The following USP6NL variants were observed in gnomAD, a reference collection of about 807,000 sequenced individuals.
USP6NL encodes the protein USP6 N-terminal-like protein.
Under a neutral mutation model 61.9 loss-of-function variants are expected in USP6NL, and 26 were observed. That is an observed-to-expected ratio of 0.42 (90% CI 0.31 to 0.58). The LOEUF (loss-of-function observed/expected upper bound fraction) is 0.58, where lower values mean the gene tolerates loss of function less well. USP6NL is among the 20% of genes least tolerant of loss of function. The probability of loss-of-function intolerance (pLI) is 0.16; values close to 1 mark genes in which losing one functional copy is unlikely to be tolerated. For synonymous variants in USP6NL, 432 were observed against 390.1 expected, an observed-to-expected ratio of 1.11 and a Z score of -1.27; for missense variants, 1,114 against 1,034.3, an observed-to-expected ratio of 1.08 and a Z score of -1.06.
chr10:11,588,855 A>T (rs1290571647), intron 2 of USP6NL, among the ~76,000 whole-genome samples: 1 of 152,182 alleles, frequency 6.6e-6, no homozygotes, highest in Non-Finnish European at 1.5e-5. Context: ...ATCATGTGAG[A>T]ACCAAATTCC....
chr10:11,463,873 G>A lies in USP6NL; in HGVS notation c.1079-24C>T, dbSNP rs772189470. ...ACCTGAAAAGAAAGAGAAAGGCTAA[G>A]TAAGATAATACACGAGTAAACAGTA... On this transcript the variant is annotated intron_variant, in intron 14 of 14. Coordinates refer to ENST00000609104, the MANE Select transcript of USP6NL (RefSeq NM_014688.5). This position sits in a 1 kb window ranked among gnomAD's most constrained non-coding sequence, Gnocchi z 6.3. The A allele has an allele frequency of 6.2e-6, 9 of 1,455,566 alleles. No individual in the cohort carries two copies. Among genetic ancestry groups the A allele is most frequent in the Non-Finnish European group, 1.8e-6 (2 of 1,101,966 alleles). The allele number at this position is 1,455,566 out of a possible 1,614,324, so 90.2% of individuals were successfully genotyped here. A position where few individuals can be genotyped will look rare whatever the true frequency, so the allele number is the denominator to read the frequency against.
chr10:11,468,742 T>C lies in USP6NL; in HGVS notation c.1079-4893A>G, dbSNP rs543816449. On this transcript the variant is annotated intron_variant, in intron 14 of 14. Coordinates refer to ENST00000609104, the MANE Select transcript of USP6NL (RefSeq NM_014688.5). The surrounding 1 kb of genome is among the most constrained non-coding windows in gnomAD (Gnocchi z 4.5). Reference sequence around the variant, plus strand: ...TTGTGATATTCACAGATTTTCATTCTGGAATCCTTTAGCCACAGAGGAGGC... The same window carrying C: ...TTGTGATATTCACAGATTTTCATTCCGGAATCCTTTAGCCACAGAGGAGGC... Among the ~76,000 whole-genome samples the C allele has an allele frequency of 6.6e-6, 1 of 152,376 alleles. No homozygotes were observed. The highest frequency in any genetic ancestry group is 2.1e-4 in the South Asian group (1 of 4,834).
chr10:11,523,511 T>A (rs548258275), intron 4 of USP6NL, among the ~76,000 whole-genome samples: 1 of 152,228 alleles, frequency 6.6e-6, no homozygotes, highest in Non-Finnish European at 1.5e-5. Context: ...TCCCCCAAAT[T>A]AATGGACTGT....
chr10:11,462,959 G>C lies in USP6NL; in HGVS notation c.1969C>G (p.Gln657Glu), dbSNP rs1271144891. The change falls in exon 15 of 15, where the codon CAG becomes GAG. Residue 657 changes from glutamine to glutamate, a missense_variant. Gln to Glu is a conservative substitution (Grantham distance 29). Transcript: ENST00000609104. Reference sequence around the variant, plus strand: ...TTCAGTTGAGTCCCAGGGCTAAACTGTGGAGAAGCAAAGCTGCTGTTGGCA... The same window carrying C: ...TTCAGTTGAGTCCCAGGGCTAAACTCTGGAGAAGCAAAGCTGCTGTTGGCA... ...PTANSSFASP[Q>E]FSPGTQLNPS... 1.2e-6 allele frequency: 2 copies of C among 1,613,852 alleles called. No individual in the cohort carries two copies. Among genetic ancestry groups the C allele is most frequent in the Non-Finnish European group, 1.7e-6 (2 of 1,179,820 alleles).
At chr10:11,542,977 G>C (rs1298639712) in intron 2 of USP6NL, among the ~76,000 whole-genome samples, 1 of 151,374 alleles carries the variant, frequency 6.6e-6, no homozygotes, top group African/African-American at 2.4e-5. Context: ...GTATATATAG[G>C]AAAACAAGAA....
intron 2 of USP6NL, among the ~76,000 whole-genome samples, chr10:11,536,839 C>T (rs12262747): frequency 0.017 from 2,665 of 152,340 alleles, 72 homozygotes; most frequent in African/African-American, 0.06. Context: ...CTTGCTCCCC[C>T]TATTAGCATA....
At chr10:11,569,285 A>G (rs755573693) in intron 2 of USP6NL, among the ~76,000 whole-genome samples, 1 of 152,198 alleles carries the variant, frequency 6.6e-6, no homozygotes, top group Non-Finnish European at 1.5e-5. Context: ...GGATTTTTCT[A>G]TTGCTTAAGT....
At chr10:11,483,613 G>A (rs1833318071) in intron 13 of USP6NL, among the ~76,000 whole-genome samples, 1 of 16,174 alleles carries the variant, frequency 6.2e-5, no homozygotes. Flanking sequence ...GGGAGGGGGA[G>A]AGGGGGGGAG....
At chr10:11,480,749 G>A (rs1461638359) in intron 14 of USP6NL, among the ~76,000 whole-genome samples, 1 of 152,202 alleles carries the variant, frequency 6.6e-6, no homozygotes, top group Non-Finnish European at 1.5e-5. Context: ...CAGCCAACAT[G>A]ACACACTGAT....
rs1833602221 is a variant in USP6NL at position 11,489,103 on chromosome 10, A to G, written c.663T>C (p.His221=). 2 of 1,613,638 alleles carry G rather than the reference A, an allele frequency of 1.2e-6. No homozygotes were observed. Among genetic ancestry groups the G allele is most frequent in the South Asian group, 2.2e-5 (2 of 91,026 alleles). ...KLFSGPKHAM[H]GFFVQGFPKL... Reference sequence around the variant, plus strand: ...AGATAAAGCACAGGGTTTTCTTACCATGCATGGCATGTTTAGGGCCTGAGA... The same window carrying G: ...AGATAAAGCACAGGGTTTTCTTACCGTGCATGGCATGTTTAGGGCCTGAGA... The change falls in exon 10 of 15, where the codon CAT becomes CAC. Residue 221 remains histidine (H), a splice_region_variant and synonymous_variant. Transcript: ENST00000609104. This position sits in a 1 kb window ranked among gnomAD's most constrained non-coding sequence, Gnocchi z 5.7.
rs1836972761 is a variant in USP6NL, at chr10:11,562,318, T to C, written c.5-34751A>G. On this transcript the variant is annotated intron_variant, in intron 2 of 14. Transcript: ENST00000609104. The surrounding 1 kb of genome is among the most constrained non-coding windows in gnomAD (Gnocchi z 4.8). ...ACCCCCCTGCAGCTAGCAGCAGCCATGTGACACAGTTCCGGCTGATGGCTT... is the reference window on the plus strand; with the variant it reads ...ACCCCCCTGCAGCTAGCAGCAGCCACGTGACACAGTTCCGGCTGATGGCTT... The C allele has an allele frequency of 1.1e-6, 1 of 899,052 alleles. No homozygotes were observed. Among genetic ancestry groups the C allele is most frequent in the African/African-American group, 1.8e-5 (1 of 55,472 alleles). 55.7% of individuals were successfully genotyped at this position (899,052 alleles called of 1,614,324 possible).
rs1331019239 is a variant in USP6NL at position 11,596,741 on chromosome 10, C to T, written c.4+890G>A. On this transcript the variant is annotated intron_variant, in intron 2 of 14. Coordinates refer to ENST00000609104, the MANE Select transcript of USP6NL (RefSeq NM_014688.5). The surrounding 1 kb of genome is among the most constrained non-coding windows in gnomAD (Gnocchi z 4.1). Reference sequence around the variant, plus strand: ...CACTGAAAAGTCAAAAATCAAAGACCGTTCCTTACAATATTATTCTTAGTA... The same window carrying T: ...CACTGAAAAGTCAAAAATCAAAGACTGTTCCTTACAATATTATTCTTAGTA... 1.3e-5 allele frequency among the ~76,000 whole-genome samples: 2 copies of T among 152,064 alleles called. No homozygotes were observed. The highest frequency in any genetic ancestry group is 2.9e-5 in the Non-Finnish European group (2 of 68,000).
chr10:11,519,096 GCAACC>G (rs386740892), intron 4 of USP6NL, among the ~76,000 whole-genome samples: 4,378 of 152,278 alleles, frequency 0.029, 158 homozygotes, highest in African/African-American at 0.084. Flanking sequence ...TAGTACAAAA[GCAACC>G]ACAGACACTA....
chr10:11,486,710 G>A (rs1833485517), intron 10 of USP6NL, among the ~76,000 whole-genome samples: 2 of 152,176 alleles, frequency 1.3e-5, no homozygotes, highest in East Asian at 1.9e-4. Context: ...AAAGAAACCA[G>A]AGGACACATT....
intron 6 of USP6NL, among the ~76,000 whole-genome samples, chr10:11,505,701 G>C (rs1371100103): frequency 6.6e-6 from 1 of 152,062 alleles, no homozygotes; most frequent in Non-Finnish European, 1.5e-5. Flanking sequence ...TCCAACAAAT[G>C]ACTAATGTTT....
In USP6NL at chr10:11,463,316, C is replaced by T. The variant is rs1373968140; in HGVS notation, c.1612G>A (p.Asp538Asn). 3 of 1,613,936 alleles carry T rather than the reference C, an allele frequency of 1.9e-6. No individual in the cohort carries two copies. The highest frequency in any genetic ancestry group is 2.5e-6 in the Non-Finnish European group (3 of 1,179,882). ...GAGCCCCGCTTCCCGTCCTCAGCATCCAGGGCCTTCATCTTTGGCCGCACG... is the reference window on the plus strand; with the variant it reads ...GAGCCCCGCTTCCCGTCCTCAGCATTCAGGGCCTTCATCTTTGGCCGCACG... The part of the protein sequence containing the change: ...SNVRPKMKAL[D>N]AEDGKRGSTA... The change falls in exon 15 of 15, where the codon GAT becomes AAT. Residue 538 changes from aspartate to asparagine, a missense_variant. Physicochemically the swap from Asp to Asn is conservative, Grantham distance 23 (BLOSUM62 1). Coordinates refer to ENST00000609104, the MANE Select transcript of USP6NL (RefSeq NM_014688.5). The surrounding 1 kb of genome is among the most constrained non-coding windows in gnomAD (Gnocchi z 6.3).
chr10:11,582,342 C>G (rs1837804461), intron 2 of USP6NL, among the ~76,000 whole-genome samples: 1 of 152,208 alleles, frequency 6.6e-6, no homozygotes, highest in Admixed American at 6.5e-5. Context: ...CTCAGGTGAT[C>G]CGCCCGCCTC....
intron 2 of USP6NL, among the ~76,000 whole-genome samples, chr10:11,560,924 T>TA (rs1248577802): frequency 3.3e-5 from 5 of 151,870 alleles, no homozygotes; most frequent in Admixed American, 1.3e-4. Flanking sequence ...AAAGAGCTAT[T>TA]AAAAGCAGAT....
At chr10:11,567,926 C>T (rs1339907085) in intron 2 of USP6NL, among the ~76,000 whole-genome samples, 5 of 152,152 alleles carry the variant, frequency 3.3e-5, no homozygotes, top group East Asian at 1.9e-4. Context: ...AGCAAATGAG[C>T]GAGCAAATCC....
Sources: gnomAD v4.1 joint callset for allele counts (sites outside exome capture counted in the v4.1 genomes callset) on GRCh38, gnomAD v4.1.1 for gene constraint, Gnocchi (gnomAD v3.1) non-coding constraint, MANE v1.5 for transcripts, NCBI Gene and HGNC (gene_info 2026-07-23, HGNC 2026-07-21) for gene names.